Variants in SGCZ observed in about 807,000 individuals in gnomAD.
SGCZ encodes the protein sarcoglycan zeta, also known as zeta-sarcoglycan.
SGCZ carries 40 observed loss-of-function variants against 41.3 expected under a neutral mutation model. That is an observed-to-expected ratio of 0.97 (90% CI 0.75 to 1.26). SGCZ has a LOEUF of 1.26. SGCZ is among the 50% of genes most tolerant of loss of function. The pLI is 0.00. For synonymous variants in SGCZ, 206 were observed against 137.5 expected (o/e 1.50, Z -3.49); for missense variants, 552 against 369.8 (o/e 1.49, Z -4.04).
At chr8:14,424,651 G>A (rs1259737282) in intron 2 of SGCZ, among the ~76,000 whole-genome samples, 1 of 151,952 alleles carries the variant, frequency 6.6e-6, no homozygotes, top group Non-Finnish European at 1.5e-5. Context: ...ATATTTACAT[G>A]CATGCCGTTA....
chr8:14,284,896 G>C lies in SGCZ; in HGVS notation c.336+39207C>G, dbSNP rs1246369602. ...TTTTTCTGTTGTCTGCTTTTCTGTT[G>C]ATTTTTGATCATGTATTCCTGCCAC... On this transcript the variant is annotated intron_variant, in intron 3 of 7. Coordinates refer to ENST00000382080, the MANE Select transcript of SGCZ (RefSeq NM_139167.4). Among the ~76,000 whole-genome samples the C allele has an allele frequency of 3.3e-5, 5 of 152,014 alleles. No homozygotes were observed. The South Asian group carries it at 1.0e-3, about 32-fold the overall frequency.
At chr8:14,102,523 T>TAATA in intron 6 of SGCZ, 24 bp from the exon 7 acceptor site, 1 of 1,361,570 alleles carries the variant, frequency 7.3e-7, no homozygotes, top group Non-Finnish European at 9.6e-7. Flanking sequence ...AAAAAATCAT[T>TAATA]AATAGGAAAA....
chr8:14,909,844 A>G (rs1309778111), intron 1 of SGCZ, among the ~76,000 whole-genome samples: 3 of 151,918 alleles, frequency 2.0e-5, no homozygotes, highest in Non-Finnish European at 4.4e-5. Flanking sequence ...GAAACCAACA[A>G]CTCTCCATGG....
chr8:14,424,440 CA>C (rs770609471), intron 2 of SGCZ, among the ~76,000 whole-genome samples: 6 of 152,112 alleles, frequency 3.9e-5, no homozygotes, highest in African/African-American at 7.2e-5. Context: ...AACGTCCTAT[CA>C]AAAGAAGTGG....
chr8:15,038,051 T>C (rs1177487419), intron 1 of SGCZ, among the ~76,000 whole-genome samples: 1 of 151,886 alleles, frequency 6.6e-6, no homozygotes, highest in Non-Finnish European at 1.5e-5. Context: ...AACAGATTCA[T>C]TGCAATCCCT....
At chr8:15,224,155 C>T (rs1260391420) in intron 1 of SGCZ, among the ~76,000 whole-genome samples, 5 of 152,004 alleles carry the variant, frequency 3.3e-5, no homozygotes, top group African/African-American at 1.2e-4. Context: ...CATGCCCAGC[C>T]AAAAAGCTTC....
chr8:14,340,310 A>G (rs925540441), intron 2 of SGCZ, among the ~76,000 whole-genome samples: 2 of 152,134 alleles, frequency 1.3e-5, no homozygotes, highest in Non-Finnish European at 2.9e-5. Flanking sequence ...TGCTTTTCAT[A>G]CTCTAAACCA....
chr8:14,898,940 CAAAT>C lies in SGCZ; in HGVS notation c.39+338641_39+338644del, dbSNP rs1554519021. ...TATATTTCAGAATTTTCAAAATCAA[CAAAT>C]AAATCCATGATAGTGAAGACAATGT... On this transcript the variant is annotated intron_variant, in intron 1 of 7. Transcript: ENST00000382080. 1.8e-4 allele frequency among the ~76,000 whole-genome samples: 27 copies of C among 152,206 alleles called. 1 individual carries two copies. The highest frequency in any genetic ancestry group is 2.1e-4 in the South Asian group (1 of 4,818).
intron 1 of SGCZ, among the ~76,000 whole-genome samples, chr8:14,845,018 G>T (rs1266121110): frequency 2.0e-5 from 3 of 152,158 alleles, no homozygotes; most frequent in Non-Finnish European, 4.4e-5. Context: ...TTACAAGATA[G>T]ACTTCAGAAG....
intron 4 of SGCZ, among the ~76,000 whole-genome samples, chr8:14,232,950 C>T (rs1175034467): frequency 1.3e-5 from 2 of 151,964 alleles, no homozygotes; most frequent in East Asian, 3.9e-4. Flanking sequence ...TAATGTTTTA[C>T]TGGGATAATA....
At chr8:14,687,232 T>C (rs1808641409) in intron 1 of SGCZ, among the ~76,000 whole-genome samples, 1 of 150,488 alleles carries the variant, frequency 6.6e-6, no homozygotes, top group African/African-American at 2.4e-5. Flanking sequence ...TTAGGGTACA[T>C]GTGCACAATG....
intron 2 of SGCZ, among the ~76,000 whole-genome samples, chr8:14,428,055 G>T (rs1423277611): frequency 6.6e-6 from 1 of 151,542 alleles, no homozygotes; most frequent in Non-Finnish European, 1.5e-5. Flanking sequence ...GCTATCTGCA[G>T]GGGTCCTGGA....
At chr8:15,155,167 C>T (rs11785301) in intron 1 of SGCZ, among the ~76,000 whole-genome samples, 35,326 of 151,916 alleles carry the variant, frequency 0.23, 5,539 homozygotes, top group Non-Finnish European at 0.34. Context: ...TGGTGGTGCA[C>T]GCCTATAGTC....
At chr8:14,526,840 A>G (rs1462702960) in intron 2 of SGCZ, among the ~76,000 whole-genome samples, 1 of 152,068 alleles carries the variant, frequency 6.6e-6, no homozygotes, top group Non-Finnish European at 1.5e-5. Flanking sequence ...CATACACAAA[A>G]CTGAGCTTCT....
chr8:14,257,855 G>C, intron 3 of SGCZ, among the ~76,000 whole-genome samples: 1 of 152,114 alleles, frequency 6.6e-6, no homozygotes, highest in Non-Finnish European at 1.5e-5. Context: ...GTTAAGAAGA[G>C]CTTTGTTTCT....
chr8:14,873,740 G>A (rs1162488750), intron 1 of SGCZ, among the ~76,000 whole-genome samples: 1 of 152,040 alleles, frequency 6.6e-6, no homozygotes, highest in Non-Finnish European at 1.5e-5. Flanking sequence ...GATTTTGGTT[G>A]ACCTATATTT....
chr8:14,307,622 G>T (rs998864329), intron 3 of SGCZ, among the ~76,000 whole-genome samples: 1 of 152,014 alleles, frequency 6.6e-6, no homozygotes, highest in Non-Finnish European at 1.5e-5. Context: ...ACAGATGCTT[G>T]GTATAAGAAT....
chr8:14,965,269 G>C (rs887782706), intron 1 of SGCZ, among the ~76,000 whole-genome samples: 48 of 152,204 alleles, frequency 3.2e-4, no homozygotes, highest in African/African-American at 1.1e-3. Context: ...ATCTGGTCCA[G>C]TCAAACTGGT....
chr8:14,549,704 A>T (rs753504846), intron 2 of SGCZ, among the ~76,000 whole-genome samples: 50 of 152,126 alleles, frequency 3.3e-4, no homozygotes, highest in Non-Finnish European at 7.1e-4. Flanking sequence ...TTTCTAATAC[A>T]ACATAGTAAA....
Sources: allele counts gnomAD v4.1 joint callset (sites outside exome capture counted in the v4.1 genomes callset), GRCh38; gene constraint gnomAD v4.1.1; transcripts MANE v1.5; gene names NCBI Gene and HGNC (gene_info 2026-07-23, HGNC 2026-07-21).